Variants in SNX33 observed in about 807,000 individuals in gnomAD.
The protein encoded by SNX33 is sorting nexin-33.
In SNX33, 19 loss-of-function variants were observed where a neutral mutation model predicts 38.8. The ratio of observed to expected loss-of-function variants is 0.49; its 90% confidence interval spans 0.34 to 0.72. SNX33 has a LOEUF of 0.72. SNX33 is among the 30% of genes least tolerant of loss of function. The probability of loss-of-function intolerance (pLI) is 0.01; values close to 1 mark genes in which losing one functional copy is unlikely to be tolerated. For missense variants in SNX33, 641 were observed against 776.4 expected (o/e 0.83, Z 2.07); for synonymous variants, 246 against 289.7 (o/e 0.85, Z 1.53).
At position 75,649,292 on chromosome 15, in the gene SNX33, A is replaced by G; in HGVS notation, c.190A>G (p.Ser64Gly). Residue 64 changes from serine (S) to glycine (G), a missense_variant, in exon 1 of 2, where the codon AGC (serine) becomes GGC (glycine). Around this residue, in one of 2 missense-constraint regions of SNX33, gnomAD observed 243 missense variants for 233.9 expected, o/e 1.04. Transcript: ENST00000308527. This position sits in a 1 kb window ranked among gnomAD's most constrained non-coding sequence, Gnocchi z 6.6. Reference sequence around the variant, plus strand: ...TGTGGAGATCGTCCGTTCTGGCATCAGCACCAACCATGCTGACTACTCCAG... The same window carrying G: ...TGTGGAGATCGTCCGTTCTGGCATCGGCACCAACCATGCTGACTACTCCAG... ...SYVEIVRSGI[S>G]TNHADYSSSP... 2 of 1,610,174 alleles carry G rather than the reference A, an allele frequency of 1.2e-6. No individual in the cohort carries two copies. The highest frequency in any genetic ancestry group is 2.2e-5 in the South Asian group (2 of 90,554).
chr15:75,657,366 C>G lies in SNX33; in HGVS notation c.*151C>G, dbSNP rs989090865. 1 of 1,321,426 alleles carries G rather than the reference C, an allele frequency of 7.6e-7. No individual in the cohort carries two copies. The highest frequency in any genetic ancestry group is 1.5e-5 in the African/African-American group (1 of 68,536). 81.9% of individuals were successfully genotyped at this position (1,321,426 alleles called of 1,614,324 possible). On this transcript the variant is annotated 3_prime_UTR_variant, in exon 2 of 2. Transcript: ENST00000308527. The surrounding 1 kb of genome is among the most constrained non-coding windows in gnomAD (Gnocchi z 5.5). ...CCTGCCTCCTGGGAGAAGGAGCTTTCAAGGAGTCATGGGTGCCCCTGGGAA... is the reference window on the plus strand; with the variant it reads ...CCTGCCTCCTGGGAGAAGGAGCTTTGAAGGAGTCATGGGTGCCCCTGGGAA...
chr15:75,649,869 C>T lies in SNX33; in HGVS notation c.767C>T (p.Pro256Leu). 14 of 1,537,522 alleles carry T rather than the reference C, an allele frequency of 9.1e-6. No homozygotes were observed. Among genetic ancestry groups the T allele is most frequent in the Non-Finnish European group, 1.2e-5 (14 of 1,144,476 alleles). The stretch of plus-strand genomic sequence containing the variant: ...AGCTACATCTCCTACAAGCTCACAC[C>T]CACCCATGCTGCCTCACCCGTCTAC... ...IKSYISYKLT[P>L]THAASPVYRR... The change falls in exon 1 of 2, where the codon CCC becomes CTC. Residue 256 changes from proline to leucine, a missense_variant. By Grantham distance (98) the Pro-to-Leu change is moderately conservative. Coordinates refer to ENST00000308527, the MANE Select transcript of SNX33 (RefSeq NM_153271.2). The surrounding 1 kb of genome is among the most constrained non-coding windows in gnomAD (Gnocchi z 6.6).
At chr15:75,652,094 G>T (rs11637785) in intron 1 of SNX33, among the ~76,000 whole-genome samples, 14,200 of 149,300 alleles carry the variant, frequency 0.095, 745 homozygotes, top group South Asian at 0.18. Flanking sequence ...TCTTGGCTCT[G>T]CCCCTAGATT....
Position 75,649,556 on chromosome 15 carries a change from C to T in SNX33, c.454C>T (p.Pro152Ser), listed in dbSNP as rs79030022. The T allele has an allele frequency of 5.5e-4, 894 of 1,613,496 alleles. 1 individual carries two copies. In the Middle Eastern group the frequency reaches 0.013, roughly 24 times the overall value. ...PLNLSYPGAY[P>S]SQHMAFRPKP... ...CAACCTCTCCTACCCTGGTGCCTAC[C>T]CCAGCCAGCACATGGCCTTCCGGCC... Residue 152 changes from proline (P) to serine (S), a missense_variant, in exon 1 of 2, where the codon CCC becomes TCC. Pro to Ser is a moderately conservative substitution (Grantham distance 74). Around this residue, in one of 2 missense-constraint regions of SNX33, gnomAD observed 243 missense variants for 233.9 expected, o/e 1.04. Coordinates refer to ENST00000308527, the MANE Select transcript of SNX33 (RefSeq NM_153271.2). The surrounding 1 kb of genome is among the most constrained non-coding windows in gnomAD (Gnocchi z 6.6).
Position 75,657,323 on chromosome 15 carries a change from G to A in SNX33, c.*108G>A. 1 of 1,542,812 alleles carries A rather than the reference G, an allele frequency of 6.5e-7. No homozygotes were observed. The highest frequency in any genetic ancestry group is 8.8e-7 in the Non-Finnish European group (1 of 1,142,200). Reference sequence around the variant, plus strand: ...TGACTGGGGGAGGGGTCAGCGGTGGGGGAGATAAGCGGCCTGTCCTGCCTC... The same window carrying A: ...TGACTGGGGGAGGGGTCAGCGGTGGAGGAGATAAGCGGCCTGTCCTGCCTC... On this transcript the variant is annotated 3_prime_UTR_variant, in exon 2 of 2. Coordinates refer to ENST00000308527, the MANE Select transcript of SNX33 (RefSeq NM_153271.2). The surrounding 1 kb of genome is among the most constrained non-coding windows in gnomAD (Gnocchi z 5.5).
At chr15:75,655,786 G>A (rs559537482) in intron 1 of SNX33, among the ~76,000 whole-genome samples, 1 of 152,294 alleles carries the variant, frequency 6.6e-6, no homozygotes, top group African/African-American at 2.4e-5. Flanking sequence ...TGTAGTGGGT[G>A]CGTTTGCAGT....
intron 1 of SNX33, among the ~76,000 whole-genome samples, chr15:75,656,666 C>T (rs541150861): frequency 1.3e-5 from 2 of 152,254 alleles, no homozygotes; most frequent in East Asian, 3.9e-4. Context: ...AGGTTGAGGA[C>T]AGGCTCTATC....
intron 1 of SNX33, among the ~76,000 whole-genome samples, chr15:75,651,394 T>C (rs1227590197): frequency 1.3e-5 from 2 of 152,192 alleles, no homozygotes; most frequent in Admixed American, 6.5e-5. Flanking sequence ...ACGTCCATGT[T>C]GGCCACTTCC....
Position 75,650,299 on chromosome 15 carries a change from A to G in SNX33, c.1197A>G (p.Ala399=). The G allele has an allele frequency of 6.3e-7, 1 of 1,593,006 alleles. No homozygotes were observed. ...GCGTCCTGCAGCTCAGCACTGTGGC[A>G]TCAGAGCTGGTGCGTAAACATGTGG... ...DDSVLQLSTV[A]SELVRKHVGG... is the part of the protein sequence containing the mutation. Residue 399 remains alanine (A), a synonymous_variant, in exon 1 of 2, where the codon GCA becomes GCG. Transcript: ENST00000308527. The surrounding 1 kb of genome is among the most constrained non-coding windows in gnomAD (Gnocchi z 6.1).
At position 75,657,241 on chromosome 15, in the gene SNX33, C is replaced by T. The variant is rs1412807353; in HGVS notation, c.*26C>T. Reference sequence around the variant, plus strand: ...CCGCGTGTGCCTGGGCCCCCTCCTTCCCCTGGGCCTGGTCACTGCAGTGTA... The same window carrying T: ...CCGCGTGTGCCTGGGCCCCCTCCTTTCCCTGGGCCTGGTCACTGCAGTGTA... On this transcript the variant is annotated 3_prime_UTR_variant, in exon 2 of 2. Coordinates refer to ENST00000308527, the MANE Select transcript of SNX33 (RefSeq NM_153271.2). This position sits in a 1 kb window ranked among gnomAD's most constrained non-coding sequence, Gnocchi z 5.5. 8.1e-6 allele frequency: 13 copies of T among 1,612,428 alleles called. No individual in the cohort carries two copies. The highest frequency in any genetic ancestry group is 1.1e-5 in the Non-Finnish European group (13 of 1,179,020).
Position 75,657,633 on chromosome 15 carries a change from G to T in SNX33, c.*418G>T. On this transcript the variant is annotated 3_prime_UTR_variant, in exon 2 of 2. Coordinates refer to ENST00000308527, the MANE Select transcript of SNX33 (RefSeq NM_153271.2). This position sits in a 1 kb window ranked among gnomAD's most constrained non-coding sequence, Gnocchi z 5.5. ...GGGCTGTGACATGCCTGCTCTTCAG[G>T]AGTCCTCAGTGAAGGTCGGGGTCAG... The T allele has an allele frequency of 7.3e-6, 2 of 272,242 alleles. No homozygotes were observed. Among genetic ancestry groups the T allele is most frequent in the Non-Finnish European group, 1.4e-5 (2 of 138,122 alleles). 16.9% of individuals were successfully genotyped at this position (272,242 alleles called of 1,614,324 possible). A position where few individuals can be genotyped will look rare whatever the true frequency, so the allele number is the denominator to read the frequency against.
Position 75,657,712 on chromosome 15 carries a change from A to G in SNX33, c.*497A>G. The G allele has an allele frequency of 5.2e-6, 1 of 193,346 alleles. No homozygotes were observed. Among genetic ancestry groups the G allele is most frequent in the Non-Finnish European group, 1.1e-5 (1 of 91,376 alleles). 12.0% of individuals were successfully genotyped at this position (193,346 alleles called of 1,614,324 possible). Reference sequence around the variant, plus strand: ...GATGTTTAAGTGAGGGATTTCTGGAAGCTCATAGAAGGGACCACAGCATTC... The same window carrying G: ...GATGTTTAAGTGAGGGATTTCTGGAGGCTCATAGAAGGGACCACAGCATTC... On this transcript the variant is annotated 3_prime_UTR_variant, in exon 2 of 2. Coordinates refer to ENST00000308527, the MANE Select transcript of SNX33 (RefSeq NM_153271.2). This position sits in a 1 kb window ranked among gnomAD's most constrained non-coding sequence, Gnocchi z 5.5.
chr15:75,652,307 G>T (rs1282874003), intron 1 of SNX33, among the ~76,000 whole-genome samples: 1 of 152,196 alleles, frequency 6.6e-6, no homozygotes. Context: ...AGGGGAGGTG[G>T]CCAGGCCTGC....
rs1174993458 is a variant in SNX33 at position 75,647,996 on chromosome 15, C to T, written c.-1107C>T. 4 of 985,168 alleles carry T rather than the reference C, an allele frequency of 4.1e-6. No individual in the cohort carries two copies. The highest frequency in any genetic ancestry group is 4.8e-6 in the Non-Finnish European group (4 of 829,892). 61.0% of individuals were successfully genotyped at this position (985,168 alleles called of 1,614,324 possible). On this transcript the variant is annotated 5_prime_UTR_variant, in exon 1 of 2. Coordinates refer to ENST00000308527, the MANE Select transcript of SNX33 (RefSeq NM_153271.2). The stretch of plus-strand genomic sequence containing the variant: ...GAAGGCAGGCTGGGGGCGCAGCCCG[C>T]CCCCCACTGGCCGGGCCCCGCAGGG...
chr15:75,656,813 C>T (rs1019695874), intron 1 of SNX33, 149 bp from the exon 2 acceptor site: 1 of 1,263,040 alleles, frequency 7.9e-7, no homozygotes, highest in Non-Finnish European at 1.1e-6. Flanking sequence ...AACATCCTGG[C>T]AGAGACACCC....
At position 75,661,987 on chromosome 15, in the gene SNX33, G is replaced by A. The variant is rs1012569413; in HGVS notation, c.*4772G>A. 1.3e-5 allele frequency: 2 copies of A among 152,176 alleles called. No homozygotes were observed. The highest frequency in any genetic ancestry group is 1.9e-4 in the East Asian group (1 of 5,176). The allele number at this position is 152,176 out of a possible 1,614,324, so 9.4% of individuals were successfully genotyped here. On this transcript the variant is annotated 3_prime_UTR_variant, in exon 2 of 2. Coordinates refer to ENST00000308527, the MANE Select transcript of SNX33 (RefSeq NM_153271.2). The surrounding 1 kb of genome is among the most constrained non-coding windows in gnomAD (Gnocchi z 4.5). ...ACAGCTGCAGTGACTCAGGAGCTCC[G>A]TTTACAAAGGAACATGAGTGAGGAA... is the stretch of plus-strand genomic sequence containing the variant.
Position 75,657,183 on chromosome 15 carries a change from G to A in SNX33, c.1693G>A (p.Glu565Lys), listed in dbSNP as rs1356825476. The A allele has an allele frequency of 6.2e-7, 1 of 1,614,012 alleles. No homozygotes were observed. Among genetic ancestry groups the A allele is most frequent in the East Asian group, 2.2e-5 (1 of 44,900 alleles). ...LFYQRVGQQL[E>K]KTLRMYDNL ...CTACCAGCGGGTGGGCCAGCAGCTG[G>A]AGAAGACCCTGCGCATGTATGACAA... The change falls in exon 2 of 2, where the codon GAG (glutamate) becomes AAG (lysine). Residue 565 changes from glutamate (E) to lysine (K), a missense_variant. Glu to Lys is a moderately conservative substitution (Grantham distance 56). Transcript: ENST00000308527. The surrounding 1 kb of genome is among the most constrained non-coding windows in gnomAD (Gnocchi z 5.5).
In SNX33 at chr15:75,656,988, C is replaced by T. The variant is rs1893660224; in HGVS notation, c.1498C>T (p.Gln500Ter). ...CGCCTTCGCCAAGGTGAAGGAGAGC[C>T]AACGCATGAGTGACGAGGGCCGCAT... ...KGAFAKVKES[Q>*]RMSDEGRMVQ... The change falls in exon 2 of 2, where the codon CAA becomes TAA. Residue 500 changes from glutamine (Q) to a stop codon, truncating the protein, a stop_gained. Transcript: ENST00000308527. LOFTEE classifies it high-confidence loss of function. The T allele has an allele frequency of 1.2e-6, 2 of 1,613,490 alleles. No individual in the cohort carries two copies. Among genetic ancestry groups the T allele is most frequent in the African/African-American group, 1.3e-5 (1 of 74,930 alleles).
At position 75,650,046 on chromosome 15, in the gene SNX33, A is replaced by G. The variant is rs772283125; in HGVS notation, c.944A>G (p.Asp315Gly). The G allele has an allele frequency of 6.2e-7, 1 of 1,611,910 alleles. No individual in the cohort carries two copies. Among genetic ancestry groups the G allele is most frequent in the Non-Finnish European group, 8.5e-7 (1 of 1,179,106 alleles). The change falls in exon 1 of 2, where the codon GAC becomes GGC. Residue 315 changes from aspartate to glycine, a missense_variant. This residue lies in a region of SNX33 where 398 missense variants were observed against 542.5 expected (regional missense o/e 0.73). Transcript: ENST00000308527. This position sits in a 1 kb window ranked among gnomAD's most constrained non-coding sequence, Gnocchi z 6.1. ...KRKRRLILWM[D>G]HMTSHPVLSQ... ...AAGCGGAGACTCATCCTCTGGATGGACCACATGACCAGCCACCCTGTGCTC... is the reference window on the plus strand; with the variant it reads ...AAGCGGAGACTCATCCTCTGGATGGGCCACATGACCAGCCACCCTGTGCTC...
Sources: allele counts gnomAD v4.1 joint callset (sites outside exome capture counted in the v4.1 genomes callset), GRCh38; gene constraint gnomAD v4.1.1; regional missense constraint gnomAD v4.1.1; non-coding constraint Gnocchi (gnomAD v3.1); transcripts MANE v1.5; gene names NCBI Gene and HGNC (gene_info 2026-07-23, HGNC 2026-07-21).